The following ATP2C2 variants were observed in gnomAD, a reference collection of about 807,000 sequenced individuals.
ATP2C2 encodes calcium-transporting ATPase type 2C member 2.
A neutral mutation model predicts 110.8 loss-of-function variants in ATP2C2; 171 were observed. The observed-to-expected ratio is 1.54, with a 90% CI of 1.36 to 1.75. The LOEUF (loss-of-function observed/expected upper bound fraction) is 1.75. Among genes scored for constraint, ATP2C2 ranks in the 40% most tolerant of loss-of-function variants. ATP2C2 has a pLI of 0.00. For missense variants in ATP2C2, 1,963 were observed against 1,235.0 expected (o/e 1.59, Z -8.84); for synonymous variants, 804 against 508.4 (o/e 1.58, Z -7.82).
At position 84,440,923 on chromosome 16, in the gene ATP2C2, G is replaced by T. The variant is rs267604666; in HGVS notation, c.1276G>T (p.Glu426Ter). 6.2e-6 allele frequency: 10 copies of T among 1,613,380 alleles called. No individual in the cohort carries two copies. In the Admixed American group the frequency reaches 6.7e-5, roughly 11 times the overall value. ...TCTACCATCCAAGGAAGTCATTAAGGAATTTTCCAATGTCTCAGTGGGAAA... is the reference window on the plus strand; with the variant it reads ...TCTACCATCCAAGGAAGTCATTAAGTAATTTTCCAATGTCTCAGTGGGAAA... Reference protein sequence around the residue: ...CLLPSKEVIKEFSNVSVGKLV... With the variant: ...CLLPSKEVIK Residue 426 changes from glutamate (E) to a stop codon, truncating the protein, a stop_gained, in exon 14 of 27, where the codon GAA (glutamate) becomes TAA (stop). Transcript: ENST00000262429. LOFTEE classifies it high-confidence loss of function.
intron 1 of ATP2C2, among the ~76,000 whole-genome samples, chr16:84,383,745 GTGTGTA>G (rs1910724148): frequency 6.8e-6 from 1 of 146,760 alleles, no homozygotes; most frequent in Non-Finnish European, 1.5e-5. Context: ...CTGTGTGTGT[GTGTGTA>G]TGTGTGTGTT....
At chr16:84,385,751 C>A (rs898415070) in intron 1 of ATP2C2, among the ~76,000 whole-genome samples, 2 of 152,154 alleles carry the variant, frequency 1.3e-5, no homozygotes, top group Admixed American at 6.5e-5. Flanking sequence ...AGGGGGAAGC[C>A]CCATATGAAA....
At chr16:84,442,637 C>G (rs78637530) in intron 15 of ATP2C2, 38 bp downstream of exon 15, 2 of 1,587,050 alleles carry the variant, frequency 1.3e-6, no homozygotes, top group East Asian at 2.2e-5. Flanking sequence ...GGAATTCTTT[C>G]GCTCGGGGCT....
chr16:84,427,700 G>C (rs1294451173), intron 11 of ATP2C2, among the ~76,000 whole-genome samples: 1 of 152,128 alleles, frequency 6.6e-6, no homozygotes, highest in African/African-American at 2.4e-5. Context: ...CTGGGTGACA[G>C]AGCAAGAGAC....
At chr16:84,421,948 T>C (rs1424446467) in intron 7 of ATP2C2, among the ~76,000 whole-genome samples, 1 of 152,154 alleles carries the variant, frequency 6.6e-6, no homozygotes, top group Non-Finnish European at 1.5e-5. Context: ...TCTGTGTCCC[T>C]GTCTGTGTTT....
rs1191000472 is a variant in ATP2C2, at chr16:84,442,558, G to C, written c.1360G>C (p.Gly454Arg). ...GGTCATCAGAAAGAACGCCGTGATG[G>C]GGCAGCCCACCGAGGGTGCATTGAT... ...NAVIRKNAVM[G>R]QPTEGALMAL... Residue 454 changes from glycine (G) to arginine (R), a missense_variant, in exon 15 of 27, where the codon GGG becomes CGG. Coordinates refer to ENST00000262429, the MANE Select transcript of ATP2C2 (RefSeq NM_014861.4). 1 of 1,613,906 alleles carries C rather than the reference G, an allele frequency of 6.2e-7. No individual in the cohort carries two copies. The highest frequency in any genetic ancestry group is 8.5e-7 in the Non-Finnish European group (1 of 1,179,978).
chr16:84,377,740 G>C (rs576089587), intron 1 of ATP2C2, among the ~76,000 whole-genome samples: 33 of 152,058 alleles, frequency 2.2e-4, no homozygotes, highest in Non-Finnish European at 4.3e-4. Context: ...TGGTGGGGGG[G>C]TTGGACAACT....
intron 1 of ATP2C2, among the ~76,000 whole-genome samples, chr16:84,383,786 G>GTTTT (rs753992042): frequency 4.7e-5 from 4 of 85,648 alleles, no homozygotes; most frequent in Non-Finnish European, 1.1e-4. Flanking sequence ...TGGTTTTGTT[G>GTTTT]GTTTTTTTTT....
rs538323406 is a variant in ATP2C2 at position 84,439,301 on chromosome 16, C to G, written c.1111+11C>G. ...TCGTGGAGACTTTAGGTGAGGGACTCCAGCTGGTGGAATCCTTACACGTGG... is the reference window on the plus strand; with the variant it reads ...TCGTGGAGACTTTAGGTGAGGGACTGCAGCTGGTGGAATCCTTACACGTGG... On this transcript the variant is annotated intron_variant, in intron 12 of 26. Transcript: ENST00000262429. The G allele has an allele frequency of 4.3e-6, 7 of 1,613,236 alleles. No individual in the cohort carries two copies. Among genetic ancestry groups the G allele is most frequent in the Admixed American group, 3.3e-5 (2 of 60,008 alleles).
At chr16:84,382,514 T>C (rs1187261525) in intron 1 of ATP2C2, among the ~76,000 whole-genome samples, 1 of 152,214 alleles carries the variant, frequency 6.6e-6, no homozygotes, top group African/African-American at 2.4e-5. Context: ...TGGGGCAGGA[T>C]GGGCAGCCAG....
intron 23 of ATP2C2, 195 bp downstream of exon 23, chr16:84,459,581 C>G: frequency 6.5e-7 from 1 of 1,536,154 alleles, no homozygotes; most frequent in Non-Finnish European, 8.7e-7. Flanking sequence ...GTACCTGGGC[C>G]GGCAGAGCTG....
At position 84,464,064 on chromosome 16, in the gene ATP2C2, C is replaced by G; in HGVS notation, c.*332C>G. ...TGAGGCAGGCCACTCGTGGCAGATA[C>G]AAGGGGCTCCTGAGAGGCAGTGGGT... is the stretch of plus-strand genomic sequence containing the variant. On this transcript the variant is annotated 3_prime_UTR_variant, in exon 27 of 27. Coordinates refer to ENST00000262429, the MANE Select transcript of ATP2C2 (RefSeq NM_014861.4). 1 of 210,624 alleles carries G rather than the reference C, an allele frequency of 4.7e-6. No individual in the cohort carries two copies. Among genetic ancestry groups the G allele is most frequent in the Non-Finnish European group, 9.5e-6 (1 of 105,252 alleles). 13.0% of individuals were successfully genotyped at this position (210,624 alleles called of 1,614,324 possible).
Position 84,463,796 on chromosome 16 carries a change from G to C in ATP2C2, c.*64G>C, listed in dbSNP as rs111604052. On this transcript the variant is annotated 3_prime_UTR_variant, in exon 27 of 27. Coordinates refer to ENST00000262429, the MANE Select transcript of ATP2C2 (RefSeq NM_014861.4). ...TCTGGTTGTGACTGTGGCCCCTGCCGTGTCTCCTCGTCAGGGGAGACTTTT... is the reference window on the plus strand; with the variant it reads ...TCTGGTTGTGACTGTGGCCCCTGCCCTGTCTCCTCGTCAGGGGAGACTTTT... 4.6e-5 allele frequency: 64 copies of C among 1,399,882 alleles called. 2 individuals are homozygous for C. The Middle Eastern group carries it at 1.4e-3, about 31-fold the overall frequency. The allele number at this position is 1,399,882 out of a possible 1,614,324, so 86.7% of individuals were successfully genotyped here.
chr16:84,431,524 A>C (rs1269999058), intron 11 of ATP2C2, among the ~76,000 whole-genome samples: 3 of 151,874 alleles, frequency 2.0e-5, no homozygotes, highest in African/African-American at 7.3e-5. Context: ...GTAGAAGGGG[A>C]TGGACTGGAA....
chr16:84,458,760 C>G (rs572194351), intron 21 of ATP2C2, among the ~76,000 whole-genome samples: 2 of 152,338 alleles, frequency 1.3e-5, no homozygotes, highest in South Asian at 2.1e-4. Context: ...TGCTGCGTCT[C>G]TCTCTCCTCT....
At chr16:84,373,674 T>G (rs892137185) in intron 1 of ATP2C2, among the ~76,000 whole-genome samples, 5 of 152,218 alleles carry the variant, frequency 3.3e-5, no homozygotes, top group African/African-American at 1.2e-4. Context: ...GAGTGATGGC[T>G]GGGGACTGCC....
chr16:84,382,287 C>T (rs1910623207), intron 1 of ATP2C2, among the ~76,000 whole-genome samples: 1 of 152,206 alleles, frequency 6.6e-6, no homozygotes, highest in Admixed American at 6.5e-5. Flanking sequence ...TTTCCAGCTT[C>T]ATCCATGTCC....
intron 18 of ATP2C2, 146 bp from the exon 19 acceptor site, chr16:84,452,992 C>A (rs571252282): frequency 1.1e-5 from 8 of 754,926 alleles, no homozygotes; most frequent in Non-Finnish European, 1.5e-5. Flanking sequence ...GTGGATAGAA[C>A]CGAGGCCGTG....
chr16:84,371,128 G>T (rs1447498628), intron 1 of ATP2C2, among the ~76,000 whole-genome samples: 1 of 152,216 alleles, frequency 6.6e-6, no homozygotes, highest in East Asian at 1.9e-4. Context: ...AAGAGTAGAG[G>T]ACCAGACAGA....
Sources: gnomAD v4.1 joint callset for allele counts (sites outside exome capture counted in the v4.1 genomes callset) on GRCh38, gnomAD v4.1.1 for gene constraint, MANE v1.5 for transcripts, NCBI Gene and HGNC (gene_info 2026-07-23, HGNC 2026-07-21) for gene names.